Variants in C2orf92 observed in about 807,000 individuals in gnomAD.
The protein encoded by C2orf92 is chromosome 2 open reading frame 92.
At chr2:97,700,324 A>C (rs1033289271) in intron 6 of C2orf92, among the ~76,000 whole-genome samples, 48 of 152,182 alleles carry the variant, frequency 3.2e-4, no homozygotes, top group African/African-American at 1.0e-3. Context: ...CACACGAGGC[A>C]GATTGTGTAT....
rs1387440900 is a variant in C2orf92 at position 97,702,929 on chromosome 2, A to G, written c.*128A>G. ...TATTCTACAAAAACGTCTGCTTCCC[A>G]TCCCAATTTGAATGGACCAAGAAAA... On this transcript the variant is annotated 3_prime_UTR_variant, in exon 8 of 8. Transcript: ENST00000627399. 7.6e-6 allele frequency: 3 copies of G among 396,790 alleles called. No individual in the cohort carries two copies. The highest frequency in any genetic ancestry group is 1.3e-5 in the Non-Finnish European group (3 of 225,334). The allele number at this position is 396,790 out of a possible 1,614,324, so 24.6% of individuals were successfully genotyped here. A position where few individuals can be genotyped will look rare whatever the true frequency, so the allele number is the denominator to read the frequency against.
chr2:97,692,787 G>A (rs776293194), intron 5 of C2orf92, among the ~76,000 whole-genome samples: 2 of 152,130 alleles, frequency 1.3e-5, no homozygotes, highest in African/African-American at 4.8e-5. Flanking sequence ...ATACCTCTAG[G>A]ATAATCTTGA....
chr2:97,681,039 A>G (rs1376080156), intron 3 of C2orf92, among the ~76,000 whole-genome samples: 9 of 137,966 alleles, frequency 6.5e-5, no homozygotes, highest in African/African-American at 2.2e-4. Context: ...CCAGGGAGGC[A>G]GAGGTTGCAG....
chr2:97,701,128 ACT>A (rs1676480953), intron 6 of C2orf92, 24 bp from the exon 7 acceptor site: 1 of 398,412 alleles, frequency 2.5e-6, no homozygotes, highest in Admixed American at 4.4e-5. Context: ...ATCTCTGTTC[ACT>A]CTGCGCTGTG....
intron 5 of C2orf92, among the ~76,000 whole-genome samples, chr2:97,692,420 T>C: frequency 6.8e-6 from 1 of 147,552 alleles, no homozygotes; most frequent in African/African-American, 2.5e-5. Context: ...TTTTTTTTTT[T>C]TTTTTTTGAG....
intron 7 of C2orf92, 28 bp downstream of exon 7, chr2:97,701,332 C>T: frequency 2.5e-6 from 1 of 398,704 alleles, no homozygotes; most frequent in Non-Finnish European, 4.4e-6. Context: ...AACCTTCCTT[C>T]CAAGAACCCG....
upstream of C2orf92, among the ~76,000 whole-genome samples, chr2:97,666,243 A>G (rs574861901): frequency 1.3e-5 from 2 of 149,620 alleles, no homozygotes; most frequent in East Asian, 4.1e-4. Flanking sequence ...TGCTAGTTTT[A>G]AGATGGAGTT....
chr2:97,684,783 A>G lies in C2orf92; in HGVS notation c.233-4112A>G, dbSNP rs77101552. Among the ~76,000 whole-genome samples the G allele has an allele frequency of 2.5e-3, 376 of 152,340 alleles. 2 individuals carry two copies. Among genetic ancestry groups the G allele is most frequent in the African/African-American group, 8.6e-3 (356 of 41,584 alleles). The stretch of plus-strand genomic sequence containing the variant: ...ACAAAACAAACAAACAACCCACTCC[A>G]AAAATGGGCAAATAACTTGAATAGC... On this transcript the variant is annotated intron_variant, in intron 3 of 7. Coordinates refer to ENST00000627399, the MANE Select transcript of C2orf92 (RefSeq NM_001351368.2).
intron 5 of C2orf92, among the ~76,000 whole-genome samples, chr2:97,695,826 A>G (rs927784227): frequency 6.6e-6 from 1 of 151,890 alleles, no homozygotes; most frequent in Admixed American, 6.6e-5. Flanking sequence ...ATCTTGGCTC[A>G]TTGCAACCTC....
rs547454168 is a variant in C2orf92 at position 97,675,828 on chromosome 2, G to A, written c.149-17G>A. 3 of 399,080 alleles carry A rather than the reference G, an allele frequency of 7.5e-6. No individual in the cohort carries two copies. The highest frequency in any genetic ancestry group is 4.4e-5 in the Admixed American group (1 of 22,736). 24.7% of individuals were successfully genotyped at this position (399,080 alleles called of 1,614,324 possible). A position where few individuals can be genotyped will look rare whatever the true frequency, so the allele number is the denominator to read the frequency against. ...CAATGAAAGACTTAATCACAGCCAT[G>A]GTTTATTTTCCCTTAGGCTATTCCC... On this transcript the variant is annotated splice_polypyrimidine_tract_variant and intron_variant, in intron 2 of 7. Transcript: ENST00000627399.
At chr2:97,696,667 T>C (rs140188064) in intron 5 of C2orf92, among the ~76,000 whole-genome samples, 9,856 of 151,860 alleles carry the variant, frequency 0.065, 658 homozygotes, top group African/African-American at 0.17. Flanking sequence ...ACCCAGGAGG[T>C]GGAGGTTGCG....
At chr2:97,667,593 T>C (rs1007127931), upstream of C2orf92, among the ~76,000 whole-genome samples, 1 of 151,796 alleles carries the variant, frequency 6.6e-6, no homozygotes, top group African/African-American at 2.4e-5. Context: ...CCACCACGCC[T>C]GGCTAATTTT....
chr2:97,699,743 C>T (rs191341940), intron 6 of C2orf92, among the ~76,000 whole-genome samples: 2 of 152,322 alleles, frequency 1.3e-5, no homozygotes, highest in African/African-American at 4.8e-5. Flanking sequence ...TTAGAGTGGG[C>T]AGAAGCTCAC....
chr2:97,699,534 G>C (rs1454013565), intron 6 of C2orf92, among the ~76,000 whole-genome samples: 1 of 152,176 alleles, frequency 6.6e-6, no homozygotes, highest in East Asian at 1.9e-4. Flanking sequence ...GAACCCAGTA[G>C]GGGGAGGCTG....
chr2:97,678,376 G>A (rs890249931), intron 3 of C2orf92, among the ~76,000 whole-genome samples: 1 of 151,928 alleles, frequency 6.6e-6, no homozygotes, highest in Non-Finnish European at 1.5e-5. Context: ...GGGAAAGACA[G>A]AGAGATATGA....
chr2:97,671,281 C>T (rs1278062944), intron 1 of C2orf92: 2 of 378,376 alleles, frequency 5.3e-6, no homozygotes, highest in Admixed American at 9.1e-5. Context: ...GTAGCTGGGA[C>T]CACAGGTGCA....
intron 3 of C2orf92, among the ~76,000 whole-genome samples, chr2:97,680,336 AC>A (rs1431059561): frequency 2.6e-5 from 4 of 152,180 alleles, no homozygotes; most frequent in African/African-American, 9.6e-5. Flanking sequence ...CAGATTAAAT[AC>A]TTTTTAATCA....
intron 3 of C2orf92, among the ~76,000 whole-genome samples, chr2:97,678,847 G>T (rs1229259853): frequency 2.0e-5 from 3 of 150,854 alleles, no homozygotes; most frequent in African/African-American, 7.3e-5. Flanking sequence ...GTGTGATGGT[G>T]CACACCTGTA....
upstream of C2orf92, among the ~76,000 whole-genome samples, chr2:97,667,324 G>A (rs925401750): frequency 6.8e-6 from 1 of 146,986 alleles, no homozygotes; most frequent in Non-Finnish European, 1.5e-5. Context: ...GTGCAGTGGC[G>A]CAATCTGGGC....
Sources: gnomAD v4.1 joint callset for allele counts (sites outside exome capture counted in the v4.1 genomes callset) on GRCh38, gnomAD v4.1.1 for gene constraint, MANE v1.5 for transcripts, NCBI Gene and HGNC (gene_info 2026-07-23, HGNC 2026-07-21) for gene names.